MAD1L1: variants seen among roughly 807,000 people sequenced by gnomAD.
The protein encoded by MAD1L1 is mitotic spindle assembly checkpoint protein MAD1.
MAD1L1 carries 95 observed loss-of-function variants against 96.9 expected under a neutral mutation model. That is an observed-to-expected ratio of 0.98 (90% CI 0.83 to 1.16). MAD1L1 has a LOEUF of 1.16. Ranked by LOEUF, MAD1L1 falls within the 50% of genes most tolerant of loss-of-function variation. MAD1L1 has a pLI of 0.00. For synonymous variants in MAD1L1, 473 were observed against 396.6 expected (o/e 1.19, Z -2.29); for missense variants, 1,007 against 954.4 (o/e 1.06, Z -0.73).
intron 12 of MAD1L1, among the ~76,000 whole-genome samples, chr7:2,022,731 A>T (rs1371566355): frequency 6.6e-6 from 1 of 152,218 alleles, no homozygotes; most frequent in Non-Finnish European, 1.5e-5. Flanking sequence ...ATCATTTCGA[A>T]TGTGAATGAT....
chr7:2,151,941 GC>G (rs1473897687), intron 10 of MAD1L1, among the ~76,000 whole-genome samples: 8 of 152,182 alleles, frequency 5.3e-5, no homozygotes, highest in African/African-American at 1.9e-4. Flanking sequence ...GTACTCTGGA[GC>G]CCCGGGGCAT....
At chr7:1,834,969 T>G (rs1238947073) in intron 18 of MAD1L1, among the ~76,000 whole-genome samples, 4 of 152,184 alleles carry the variant, frequency 2.6e-5, no homozygotes, top group South Asian at 2.1e-4. Flanking sequence ...GTAGTATGAC[T>G]AAGTGGGGTT....
At chr7:2,134,128 T>G (rs1299338741) in intron 11 of MAD1L1, among the ~76,000 whole-genome samples, 1 of 152,220 alleles carries the variant, frequency 6.6e-6, no homozygotes, top group Non-Finnish European at 1.5e-5. Flanking sequence ...ATATATTGAC[T>G]CCTCCTACCC....
At chr7:1,867,179 C>T (rs1392996621) in intron 18 of MAD1L1, among the ~76,000 whole-genome samples, 2 of 152,192 alleles carry the variant, frequency 1.3e-5, no homozygotes, top group Non-Finnish European at 2.9e-5. Context: ...GTGCCACAGA[C>T]ATGGGCACCG....
At chr7:1,966,778 TGAG>T (rs1190158044) in intron 15 of MAD1L1, among the ~76,000 whole-genome samples, 3 of 151,538 alleles carry the variant, frequency 2.0e-5, no homozygotes, top group Non-Finnish European at 2.9e-5. Flanking sequence ...GGAACCGCGG[TGAG>T]GAGGAGGAAC....
At chr7:1,860,710 C>T (rs1784503445) in intron 18 of MAD1L1, among the ~76,000 whole-genome samples, 2 of 152,172 alleles carry the variant, frequency 1.3e-5, no homozygotes, top group African/African-American at 4.8e-5. Context: ...TAAGGATCCC[C>T]TGGGCATCAT....
intron 3 of MAD1L1, among the ~76,000 whole-genome samples, chr7:2,228,360 G>A (rs1794016939): frequency 6.6e-6 from 1 of 151,994 alleles, no homozygotes; most frequent in African/African-American, 2.4e-5. Flanking sequence ...CCAGGTTCAA[G>A]CGATTCTCCT....
intron 18 of MAD1L1, among the ~76,000 whole-genome samples, chr7:1,888,560 G>A (rs111066265): frequency 0.071 from 10,794 of 151,936 alleles, 856 homozygotes; most frequent in African/African-American, 0.19. Context: ...GAGCATGCAT[G>A]CATGTGGCTG....
At chr7:2,090,775 G>A (rs1786170743) in intron 11 of MAD1L1, among the ~76,000 whole-genome samples, 2 of 152,176 alleles carry the variant, frequency 1.3e-5, no homozygotes, top group Admixed American at 6.5e-5. Context: ...GAGCCCGGGC[G>A]GGGCCCTCAT....
intron 11 of MAD1L1, among the ~76,000 whole-genome samples, chr7:2,125,373 A>T (rs1040446185): frequency 1.3e-5 from 2 of 152,146 alleles, no homozygotes; most frequent in African/African-American, 4.8e-5. Flanking sequence ...CCACCCACGC[A>T]TCCTTCCTCC....
intron 7 of MAD1L1, 93 bp from the exon 8 acceptor site, chr7:2,216,380 G>T: frequency 5.4e-6 from 7 of 1,296,414 alleles, no homozygotes; most frequent in Non-Finnish European, 7.4e-6. Context: ...AAGGAAGCCG[G>T]TCTGCAACGG....
chr7:2,019,368 A>G (rs1782679641), intron 12 of MAD1L1, among the ~76,000 whole-genome samples: 1 of 152,232 alleles, frequency 6.6e-6, no homozygotes. Flanking sequence ...GAACATGATG[A>G]CAGGCGAAAG....
chr7:1,962,333 T>C (rs540457726), intron 15 of MAD1L1, among the ~76,000 whole-genome samples: 7 of 152,370 alleles, frequency 4.6e-5, no homozygotes, highest in Admixed American at 4.6e-4. Context: ...CCCAGCCATG[T>C]AGAACTGTGA....
At chr7:1,908,946 G>A (rs894392987) in intron 17 of MAD1L1, among the ~76,000 whole-genome samples, 4 of 152,206 alleles carry the variant, frequency 2.6e-5, no homozygotes, top group African/African-American at 7.2e-5. Flanking sequence ...GGCCCCAGGG[G>A]GTCCTGCTGG....
chr7:1,933,082 G>A (rs544233009), intron 17 of MAD1L1, among the ~76,000 whole-genome samples: 2 of 152,064 alleles, frequency 1.3e-5, no homozygotes, highest in East Asian at 3.9e-4. Flanking sequence ...TTCTTTGCTG[G>A]GACAGTGGGT....
At chr7:2,201,667 C>G (rs1035822990) in intron 10 of MAD1L1, among the ~76,000 whole-genome samples, 1 of 152,218 alleles carries the variant, frequency 6.6e-6, no homozygotes, top group East Asian at 1.9e-4. Context: ...GCTCCGAGAC[C>G]AAGTGATAGC....
intron 12 of MAD1L1, among the ~76,000 whole-genome samples, chr7:2,063,225 C>T (rs1784739494): frequency 6.6e-6 from 1 of 152,122 alleles, no homozygotes; most frequent in South Asian, 2.1e-4. Context: ...AAAGACTGGA[C>T]GTGGGGTGGG....
intron 10 of MAD1L1, among the ~76,000 whole-genome samples, chr7:2,181,646 T>C (rs1049200085): frequency 7.9e-5 from 12 of 152,122 alleles, no homozygotes; most frequent in African/African-American, 2.7e-4. Flanking sequence ...CTTCGAGAAC[T>C]GAAAGTAGAG....
At chr7:1,999,854 C>G (rs1261527243) in intron 14 of MAD1L1, among the ~76,000 whole-genome samples, 1 of 152,214 alleles carries the variant, frequency 6.6e-6, no homozygotes, top group East Asian at 1.9e-4. Context: ...TCCGGGTCTT[C>G]TCTGCAGTCT....
Sources: gnomAD v4.1 joint callset for allele counts (sites outside exome capture counted in the v4.1 genomes callset) on GRCh38, gnomAD v4.1.1 for gene constraint, MANE v1.5 for transcripts, NCBI Gene and HGNC (gene_info 2026-07-23, HGNC 2026-07-21) for gene names.